Variants in LRIF1 observed in about 807,000 individuals in gnomAD.
LRIF1 encodes the protein ligand-dependent nuclear receptor-interacting factor 1.
In LRIF1, 32 loss-of-function variants were observed where a neutral mutation model predicts 52.7. The observed-to-expected ratio is 0.61, with a 90% CI of 0.46 to 0.82. LRIF1 has a LOEUF of 0.82. LRIF1 is among the 40% of genes least tolerant of loss of function. The pLI is 0.00. For missense variants in LRIF1, 887 were observed against 892.0 expected, an observed-to-expected ratio of 0.99 and a Z score of 0.07; for synonymous variants, 323 against 317.4, an observed-to-expected ratio of 1.02 and a Z score of -0.19.
At chr1:110,938,681 T>C in the LRIF1 span, 1 of 152,180 alleles carries the variant, frequency 6.6e-6, no homozygotes, top group Admixed American at 6.5e-5. Flanking sequence ...CCACTGTTAT[T>C]CAGCATAGTA....
At chr1:110,911,008 T>G in the LRIF1 span, among the ~76,000 whole-genome samples, 1 of 151,932 alleles carries the variant, frequency 6.6e-6, no homozygotes, top group African/African-American at 2.4e-5. Flanking sequence ...AAATCAGAGC[T>G]GAGGTAAATG....
chr1:110,920,939 G>A, the LRIF1 span, among the ~76,000 whole-genome samples: 9,594 of 152,180 alleles, frequency 0.063, 327 homozygotes, highest in East Asian at 0.14. Context: ...ATCTAGTTAG[G>A]AGAAATTCTA....
At chr1:110,954,578 G>C (rs1330707157) in intron 1 of LRIF1, among the ~76,000 whole-genome samples, 1 of 152,030 alleles carries the variant, frequency 6.6e-6, no homozygotes. Context: ...TTGCTTTCAG[G>C]GTTTTAAGAG....
chr1:110,961,764 G>A lies in LRIF1; in HGVS notation c.68+1857C>T, dbSNP rs189909062. ...AACTAAGTTTCCAATAAACTACAAG[G>A]GCCGTTAATATTATTTACAAAATTA... On this transcript the variant is annotated intron_variant, in intron 1 of 3. Coordinates refer to ENST00000369763, the MANE Select transcript of LRIF1 (RefSeq NM_018372.4). Among the ~76,000 whole-genome samples the A allele has an allele frequency of 3.4e-3, 514 of 151,818 alleles. 2 individuals are homozygous for A. Among genetic ancestry groups the A allele is most frequent in the Non-Finnish European group, 5.6e-3 (382 of 67,912 alleles).
Position 110,952,468 on chromosome 1 carries a change from C to T in LRIF1, c.416G>A (p.Gly139Asp), listed in dbSNP as rs767367405. 3.1e-6 allele frequency: 5 copies of T among 1,612,832 alleles called. No homozygotes were observed. The highest frequency in any genetic ancestry group is 4.2e-6 in the Non-Finnish European group (5 of 1,178,938). ...CATGGTGAGTCCATCAATTTTCACA[C>T]CATGACTCTGAACTTTAGAAACTGA... ...SSSVSKVQSH[G>D]VKIDGLTMQT... is the part of the protein sequence containing the mutation. The change falls in exon 2 of 4, where the codon GGT becomes GAT. Residue 139 changes from glycine to aspartate, a missense_variant. Physicochemically the swap from Gly to Asp is moderately conservative, Grantham distance 94. Coordinates refer to ENST00000369763, the MANE Select transcript of LRIF1 (RefSeq NM_018372.4).
chr1:110,906,354 A>C, the LRIF1 span, among the ~76,000 whole-genome samples: 1 of 152,048 alleles, frequency 6.6e-6, no homozygotes, highest in East Asian at 1.9e-4. Context: ...AAACCAGCCT[A>C]GTCAACATAG....
chr1:110,943,046 A>C (rs1658126020), downstream of LRIF1, among the ~76,000 whole-genome samples: 2 of 152,274 alleles, frequency 1.3e-5, no homozygotes, highest in South Asian at 2.1e-4. Context: ...AAGAAGAAGC[A>C]GTCAACGAGG....
rs1322888172 is a variant in LRIF1 at position 110,948,128 on chromosome 1, TA to T, written c.2140del (p.Tyr714MetfsTer18). On this transcript the variant is annotated frameshift_variant, in exon 4 of 4. Transcript: ENST00000369763. LOFTEE classifies it high-confidence loss of function. ...TTTATTGAAGAAATGACTTTGTTCA[TA>T]AGCTGCATTTGAATTCAAAGTGCCT... ...EKGTLNSNAA[Y>X]EQSHFFNKNY... The T allele has an allele frequency of 6.2e-7, 1 of 1,614,030 alleles. No individual in the cohort carries two copies. The highest frequency in any genetic ancestry group is 1.3e-5 in the African/African-American group (1 of 74,924).
the LRIF1 span, among the ~76,000 whole-genome samples, chr1:110,898,645 T>C: frequency 6.6e-6 from 1 of 151,770 alleles, no homozygotes; most frequent in Non-Finnish European, 1.5e-5. Context: ...TTGAGGGTAG[T>C]TTTTTGTCCT....
intron 1 of LRIF1, among the ~76,000 whole-genome samples, chr1:110,956,599 C>T (rs1477162159): frequency 4.3e-4 from 65 of 152,082 alleles, no homozygotes; most frequent in Non-Finnish European, 7.4e-5. Flanking sequence ...GAAACAGTTT[C>T]GTAGATGCAG....
chr1:110,914,993 T>C, the LRIF1 span, among the ~76,000 whole-genome samples: 7 of 151,952 alleles, frequency 4.6e-5, no homozygotes, highest in Non-Finnish European at 1.5e-5. Context: ...CAAAAGAAAG[T>C]ATAAGAATGT....
chr1:110,882,819 A>G, the LRIF1 span, among the ~76,000 whole-genome samples: 1 of 152,010 alleles, frequency 6.6e-6, no homozygotes, highest in Non-Finnish European at 1.5e-5. Flanking sequence ...TTCATATATG[A>G]TGCTATTGTA....
chr1:110,893,986 G>T, the LRIF1 span, among the ~76,000 whole-genome samples: 17 of 152,260 alleles, frequency 1.1e-4, no homozygotes, highest in Non-Finnish European at 1.8e-4. Flanking sequence ...GGCCCCAAAT[G>T]ATCTAGTTTA....
In LRIF1 at chr1:110,949,847, C is replaced by T. The variant is rs1658385790; in HGVS notation, c.1869+4G>A. On this transcript the variant is annotated splice_donor_region_variant and intron_variant, in intron 3 of 3. Coordinates refer to ENST00000369763, the MANE Select transcript of LRIF1 (RefSeq NM_018372.4). ...TGAAGAGCACATTAAAATGTATTAC[C>T]TACCTGTTTTCTCTCTCCTTCCTTC... The T allele has an allele frequency of 6.2e-7, 1 of 1,611,760 alleles. No individual in the cohort carries two copies. The highest frequency in any genetic ancestry group is 8.5e-7 in the Non-Finnish European group (1 of 1,178,760).
At chr1:110,945,933 T>C (rs1414230073), downstream of LRIF1, among the ~76,000 whole-genome samples, 1 of 152,190 alleles carries the variant, frequency 6.6e-6, no homozygotes, top group African/African-American at 2.4e-5. Flanking sequence ...TGAAATAGTT[T>C]GGCAGTTCCT....
the LRIF1 span, among the ~76,000 whole-genome samples, chr1:110,887,872 A>T: frequency 6.6e-6 from 1 of 152,220 alleles, no homozygotes; most frequent in Non-Finnish European, 1.5e-5. Flanking sequence ...ATAGGCCCCA[A>T]ATATGTCCAT....
the LRIF1 span, among the ~76,000 whole-genome samples, chr1:110,907,179 G>A: frequency 2.6e-5 from 4 of 152,068 alleles, no homozygotes; most frequent in African/African-American, 9.7e-5. Context: ...CTTTAAGAAA[G>A]CTCAAAAATG....
chr1:110,902,933 G>A, the LRIF1 span, among the ~76,000 whole-genome samples: 1 of 152,198 alleles, frequency 6.6e-6, no homozygotes. Context: ...GGCAGCAGCA[G>A]CATGATGCGG....
the LRIF1 span, among the ~76,000 whole-genome samples, chr1:110,922,368 T>C: frequency 6.6e-6 from 1 of 152,224 alleles, no homozygotes; most frequent in African/African-American, 2.4e-5. Flanking sequence ...TGCAATGTTA[T>C]GATGCAGCAA....
Sources: gnomAD v4.1 joint callset for allele counts (sites outside exome capture counted in the v4.1 genomes callset) on GRCh38, gnomAD v4.1.1 for gene constraint, MANE v1.5 for transcripts, NCBI Gene and HGNC (gene_info 2026-07-23, HGNC 2026-07-21) for gene names.